Variants in SPP1 observed in about 807,000 individuals in gnomAD.
The protein encoded by SPP1 is osteopontin.
In SPP1, 18 loss-of-function variants were observed where a neutral mutation model predicts 20.8. The observed-to-expected ratio is 0.87, with a 90% confidence interval of 0.60 to 1.29. The LOEUF is 1.29. SPP1 is among the 50% of genes most tolerant of loss of function. The probability of loss-of-function intolerance (pLI) is 0.00; values close to 1 mark genes in which losing one functional copy is unlikely to be tolerated. For synonymous variants in SPP1, 146 were observed against 141.5 expected, an observed-to-expected ratio of 1.03 and a Z score of -0.23; for missense variants, 363 against 389.0, an observed-to-expected ratio of 0.93 and a Z score of 0.56.
At chr4:87,977,351 G>A (rs1725421592) in intron 3 of SPP1, among the ~76,000 whole-genome samples, 2 of 152,188 alleles carry the variant, frequency 1.3e-5, no homozygotes, top group South Asian at 4.1e-4. Context: ...GTTATCGCAT[G>A]TAAGATAAGT....
chr4:87,981,755 G>T lies in SPP1; in HGVS notation c.497G>T (p.Gly166Val). 1.2e-6 allele frequency: 2 copies of T among 1,614,110 alleles called. No individual in the cohort carries two copies. The highest frequency in any genetic ancestry group is 1.1e-5 in the South Asian group (1 of 91,064). ...YDGRGDSVVY[G>V]LRSKSKKFRR... ...GGCCGAGGTGATAGTGTGGTTTATG[G>T]ACTGAGGTCAAAATCTAAGAAGTTT... Residue 166 changes from glycine (G) to valine (V), a missense_variant, in exon 6 of 7, where the codon GGA (glycine) becomes GTA (valine). Coordinates refer to ENST00000395080, the MANE Select transcript of SPP1 (RefSeq NM_001040058.2).
chr4:87,977,731 C>G, intron 3 of SPP1: 4 of 1,281,480 alleles, frequency 3.1e-6, no homozygotes, highest in Non-Finnish European at 4.1e-6. Context: ...GGGCATTGTC[C>G]CCAGAAGCTT....
At chr4:87,982,420 A>G in intron 6 of SPP1, 72 bp from the exon 7 acceptor site, 1 of 1,522,080 alleles carries the variant, frequency 6.6e-7, no homozygotes, top group Non-Finnish European at 8.8e-7. Context: ...AAAGCTAGAG[A>G]GTGGAAAAGG....
intron 1 of SPP1, 28 bp from the exon 2 acceptor site, chr4:87,976,854 C>T (rs1249423419): frequency 2.2e-5 from 34 of 1,568,858 alleles, no homozygotes; most frequent in Non-Finnish European, 2.7e-5. Flanking sequence ...ATGAAGATGT[C>T]AGCTATTCCT....
intron 3 of SPP1, chr4:87,977,534 G>GA (rs1725429647): frequency 2.5e-6 from 1 of 407,454 alleles, no homozygotes; most frequent in Non-Finnish European, 3.7e-6. Context: ...TATTAGCTGA[G>GA]AAGCCCATTG....
chr4:87,980,440 T>C lies in SPP1; in HGVS notation c.216+6T>C. ...CCAATGACTTTAAACAAGAGGTAAGTTCTCATTTTCAATCAGAGGCCCATC... is the reference window on the plus strand; with the variant it reads ...CCAATGACTTTAAACAAGAGGTAAGCTCTCATTTTCAATCAGAGGCCCATC... On this transcript the variant is annotated splice_donor_region_variant and intron_variant, in intron 5 of 6. Transcript: ENST00000395080. The C allele has an allele frequency of 1.2e-6, 2 of 1,613,916 alleles. No individual in the cohort carries two copies. Among genetic ancestry groups the C allele is most frequent in the Non-Finnish European group, 1.7e-6 (2 of 1,179,932 alleles).
chr4:87,977,176 G>A (rs1578100448), intron 3 of SPP1, 79 bp downstream of exon 3: 40 of 1,371,904 alleles, frequency 2.9e-5, no homozygotes, highest in Non-Finnish European at 3.6e-5. Context: ...TATTTGCTGC[G>A]ATATTACTTA....
intron 1 of SPP1, 124 bp from the exon 2 acceptor site, chr4:87,976,758 A>G: frequency 1.6e-6 from 1 of 614,402 alleles, no homozygotes. Context: ...CATCTCTAAG[A>G]AGTAGAAAAG....
Position 87,979,395 on chromosome 4 carries a change from G to A in SPP1, c.94-651G>A, listed in dbSNP as rs189625859. On this transcript the variant is annotated intron_variant, in intron 3 of 6. Transcript: ENST00000395080. ...TCACTGTGTTAGCCAGGATGTTCTC[G>A]ATCTCCTGACCTCGTGATCCGCCTG... Among the ~76,000 whole-genome samples the A allele has an allele frequency of 8.5e-3, 1,286 of 151,520 alleles. 8 individuals are homozygous for A. Among genetic ancestry groups the A allele is most frequent in the Middle Eastern group, 0.014 (4 of 294 alleles).
intron 5 of SPP1, 58 bp downstream of exon 5, chr4:87,980,492 T>C: frequency 1.3e-6 from 2 of 1,571,524 alleles, no homozygotes; most frequent in Non-Finnish European, 1.7e-6. Flanking sequence ...AAAGAAGGCA[T>C]TGCCTGGATT....
rs558921667 is a variant in SPP1 at position 87,981,095 on chromosome 4, C to T, written c.217-380C>T. On this transcript the variant is annotated intron_variant, in intron 5 of 6. Transcript: ENST00000395080. Reference sequence around the variant, plus strand: ...GATACTCTTCTCTTTTGATAAATCTCATTTCAAATAAAAAAACCAGTCTCA... The same window carrying T: ...GATACTCTTCTCTTTTGATAAATCTTATTTCAAATAAAAAAACCAGTCTCA... Among the ~76,000 whole-genome samples, 10 of 152,238 alleles carry T rather than the reference C, an allele frequency of 6.6e-5. No individual in the cohort carries two copies. In the East Asian group the frequency reaches 1.9e-3, roughly 29 times the overall value.
At position 87,983,081 on chromosome 4, in the gene SPP1, G is replaced by T; in HGVS notation, c.*185G>T. 1.6e-6 allele frequency: 1 copy of T among 612,052 alleles called. No homozygotes were observed. The highest frequency in any genetic ancestry group is 2.7e-6 in the Non-Finnish European group (1 of 367,018). The allele number at this position is 612,052 out of a possible 1,614,324, so 37.9% of individuals were successfully genotyped here. A position where few individuals can be genotyped will look rare whatever the true frequency, so the allele number is the denominator to read the frequency against. ...GTTTGTGGCTTCATGGAAACTCCCT[G>T]TAAACTAAAAGCTTCAGGGTTATGT... On this transcript the variant is annotated 3_prime_UTR_variant, in exon 7 of 7. Coordinates refer to ENST00000395080, the MANE Select transcript of SPP1 (RefSeq NM_001040058.2).
Position 87,983,210 on chromosome 4 carries a change from C to T in SPP1, c.*314C>T, listed in dbSNP as rs529465783. The T allele has an allele frequency of 1.3e-4, 26 of 204,304 alleles. No homozygotes were observed. The highest frequency in any genetic ancestry group is 6.0e-4 in the African/African-American group (26 of 43,020). The allele number at this position is 204,304 out of a possible 1,614,324, so 12.7% of individuals were successfully genotyped here. ...GTAGAAGCAAACAAAATACTTTTAC[C>T]CACTTAAAAAGAGAATATAACATTT... On this transcript the variant is annotated 3_prime_UTR_variant, in exon 7 of 7. Transcript: ENST00000395080.
chr4:87,977,864 G>C, intron 3 of SPP1: 1 of 1,231,380 alleles, frequency 8.1e-7, no homozygotes, highest in Non-Finnish European at 1.0e-6. Context: ...TTCTGTGTTC[G>C]TTTGTGTGTG....
rs941708652 is a variant in SPP1, at chr4:87,981,644, C to A, written c.386C>A (p.Ser129Tyr). The A allele has an allele frequency of 1.2e-6, 2 of 1,614,060 alleles. No individual in the cohort carries two copies. The highest frequency in any genetic ancestry group is 1.7e-6 in the Non-Finnish European group (2 of 1,180,036). Reference protein sequence around the residue: ...QSDESHHSDESDELVTDFPTD... With the variant: ...QSDESHHSDEYDELVTDFPTD... ...GATGAGTCTCACCATTCTGATGAAT[C>A]TGATGAACTGGTCACTGATTTTCCC... The change falls in exon 6 of 7, where the codon TCT (serine) becomes TAT (tyrosine). Residue 129 changes from serine to tyrosine, a missense_variant. Ser to Tyr is a moderately radical substitution (Grantham distance 144). Coordinates refer to ENST00000395080, the MANE Select transcript of SPP1 (RefSeq NM_001040058.2).
intron 1 of SPP1, among the ~76,000 whole-genome samples, chr4:87,976,494 TGTGA>T (rs1032267376): frequency 1.3e-5 from 2 of 152,204 alleles, no homozygotes; most frequent in African/African-American, 2.4e-5. Context: ...CATTTTTTTC[TGTGA>T]GTTTTTTCTT....
intron 5 of SPP1, 78 bp downstream of exon 5, chr4:87,980,512 T>G: frequency 6.7e-7 from 1 of 1,492,758 alleles, no homozygotes; most frequent in Non-Finnish European, 9.1e-7. Flanking sequence ...TCTCTTCTGA[T>G]GAAATTTCAT....
At chr4:87,976,787 T>C in intron 1 of SPP1, 95 bp from the exon 2 acceptor site, 1 of 774,908 alleles carries the variant, frequency 1.3e-6, no homozygotes, top group South Asian at 2.2e-5. Context: ...GAAAATATAT[T>C]TTATTTGTGA....
chr4:87,980,521 A>C, intron 5 of SPP1, 87 bp downstream of exon 5: 7 of 1,443,406 alleles, frequency 4.8e-6, no homozygotes, highest in Non-Finnish European at 5.7e-6. Context: ...ATGAAATTTC[A>C]TTAGCAAGTT....
Sources: allele counts gnomAD v4.1 joint callset (sites outside exome capture counted in the v4.1 genomes callset), GRCh38; gene constraint gnomAD v4.1.1; transcripts MANE v1.5; gene names NCBI Gene and HGNC (gene_info 2026-07-23, HGNC 2026-07-21).